Variants in TMEFF1 observed in about 807,000 individuals in gnomAD.
TMEFF1 encodes the protein tomoregulin-1.
In TMEFF1, 20 loss-of-function variants were observed where a neutral mutation model predicts 47.5. The ratio of observed to expected loss-of-function variants is 0.42; its 90% confidence interval spans 0.30 to 0.61. The LOEUF (loss-of-function observed/expected upper bound fraction) is 0.61, where lower values mean the gene tolerates loss of function less well. TMEFF1 is among the 20% of genes least tolerant of loss of function. TMEFF1 has a pLI of 0.19. For synonymous variants in TMEFF1, 162 were observed against 166.3 expected, an observed-to-expected ratio of 0.97 and a Z score of 0.20; for missense variants, 411 against 471.1, an observed-to-expected ratio of 0.87 and a Z score of 1.18.
At chr9:100,554,906 A>G (rs753820718) in intron 7 of TMEFF1, among the ~76,000 whole-genome samples, 1 of 152,074 alleles carries the variant, frequency 6.6e-6, no homozygotes, top group African/African-American at 2.4e-5. Flanking sequence ...TTCCAGATAC[A>G]TGTCTCCATT....
At chr9:100,487,600 C>T (rs1241859285) in intron 1 of TMEFF1, among the ~76,000 whole-genome samples, 1 of 152,098 alleles carries the variant, frequency 6.6e-6, no homozygotes, top group African/African-American at 2.4e-5. Context: ...AAAAATTATT[C>T]AATGTTTTAC....
chr9:100,475,061 C>G (rs1837195557), intron 1 of TMEFF1, among the ~76,000 whole-genome samples: 1 of 152,038 alleles, frequency 6.6e-6, no homozygotes. Context: ...CTTCTCTTGT[C>G]TTCTTTAAAC....
intron 5 of TMEFF1, among the ~76,000 whole-genome samples, chr9:100,542,690 TATTCTTTTTCTCATTATAAAATTCCACTA>T (rs1052574179): frequency 1.3e-5 from 2 of 152,210 alleles, no homozygotes; most frequent in African/African-American, 4.8e-5. Flanking sequence ...GCTTTTAAAA[TATTCTTTTTCTCATTATAAAATTCCACTA>T]TGATATTTCA....
At chr9:100,484,878 C>A (rs761177905) in intron 1 of TMEFF1, among the ~76,000 whole-genome samples, 34 of 148,448 alleles carry the variant, frequency 2.3e-4, no homozygotes, top group Non-Finnish European at 3.7e-4. Flanking sequence ...AGTTTCACTG[C>A]GTTGGCCAGG....
At chr9:100,509,729 G>A (rs1027901572) in intron 3 of TMEFF1, among the ~76,000 whole-genome samples, 4 of 149,432 alleles carry the variant, frequency 2.7e-5, no homozygotes, top group Admixed American at 6.7e-5. Context: ...AGCCAAGATC[G>A]CACCACTGTG....
At chr9:100,498,657 G>A in intron 1 of TMEFF1, 108 bp from the exon 2 acceptor site, 1 of 919,906 alleles carries the variant, frequency 1.1e-6, no homozygotes, top group East Asian at 2.6e-5. Flanking sequence ...GAATGGGGGG[G>A]CTCAATACAT....
chr9:100,538,452 C>G (rs1587844563), intron 5 of TMEFF1, among the ~76,000 whole-genome samples: 1 of 152,204 alleles, frequency 6.6e-6, no homozygotes, highest in South Asian at 2.1e-4. Context: ...ATGCTCAAAG[C>G]CCTGCAGTCG....
intron 1 of TMEFF1, among the ~76,000 whole-genome samples, chr9:100,496,592 A>T (rs1370209526): frequency 8.5e-5 from 13 of 152,198 alleles, no homozygotes; most frequent in Non-Finnish European, 1.6e-4. Flanking sequence ...ATTCCCCTAA[A>T]GTATTCTGTA....
rs1838763260 is a variant in TMEFF1 at position 100,547,761 on chromosome 9, A to T, written c.578A>T (p.Asp193Val). The T allele has an allele frequency of 5.0e-6, 8 of 1,590,718 alleles. No individual in the cohort carries two copies. Among genetic ancestry groups the T allele is most frequent in the Non-Finnish European group, 6.8e-6 (8 of 1,171,100 alleles). Residue 193 changes from aspartate (D) to valine (V), a missense_variant, in exon 6 of 10, where the codon GAT (aspartate) becomes GTT (valine). By Grantham distance (152) the Asp-to-Val change is radical. Coordinates refer to ENST00000374879, the MANE Select transcript of TMEFF1 (RefSeq NM_003692.5). ...AENVGCVCNIDCSGYSFNPVC... is the reference protein window; with the variant it reads ...AENVGCVCNIVCSGYSFNPVC... Reference sequence around the variant, plus strand: ...TCCAACAGGTGTGTATGTAATATAGATTGCAGTGGATACAGTTTTAATCCT... The same window carrying T: ...TCCAACAGGTGTGTATGTAATATAGTTTGCAGTGGATACAGTTTTAATCCT...
chr9:100,534,012 C>G lies in TMEFF1; in HGVS notation c.561-13732C>G, dbSNP rs140373796. ...GATTACAGGCGTGAGCCACCACTCCCGGCCTTTATCTATTCTTTTGAGCAA... is the reference window on the plus strand; with the variant it reads ...GATTACAGGCGTGAGCCACCACTCCGGGCCTTTATCTATTCTTTTGAGCAA... On this transcript the variant is annotated intron_variant, in intron 5 of 9. Coordinates refer to ENST00000374879, the MANE Select transcript of TMEFF1 (RefSeq NM_003692.5). 9.3e-3 allele frequency among the ~76,000 whole-genome samples: 1,416 copies of G among 152,250 alleles called. 16 individuals are homozygous for G. The highest frequency in any genetic ancestry group is 0.016 in the Non-Finnish European group (1,104 of 68,020).
intron 5 of TMEFF1, among the ~76,000 whole-genome samples, chr9:100,539,398 C>T (rs1349005595): frequency 2.6e-5 from 4 of 152,282 alleles, no homozygotes; most frequent in Non-Finnish European, 4.4e-5. Flanking sequence ...ATGAGTGTTA[C>T]GGTTCTTAAA....
intron 5 of TMEFF1, among the ~76,000 whole-genome samples, chr9:100,533,278 G>T (rs1782053971): frequency 6.6e-6 from 1 of 151,882 alleles, no homozygotes; most frequent in Non-Finnish European, 1.5e-5. Flanking sequence ...TATCTTTAAG[G>T]GACTTTTTAA....
intron 4 of TMEFF1, 97 bp from the exon 5 acceptor site, chr9:100,516,578 T>C (rs1838077919): frequency 6.9e-7 from 1 of 1,457,148 alleles, no homozygotes; most frequent in East Asian, 2.4e-5. Flanking sequence ...TCAGGTACAT[T>C]TTCCTCAGAA....
chr9:100,544,087 G>T (rs1031942802), intron 5 of TMEFF1, among the ~76,000 whole-genome samples: 6 of 147,138 alleles, frequency 4.1e-5, no homozygotes, highest in Non-Finnish European at 9.0e-5. Context: ...CCTTCATGCT[G>T]ATATATATAT....
intron 8 of TMEFF1, among the ~76,000 whole-genome samples, chr9:100,566,050 A>G (rs1209026803): frequency 6.6e-6 from 1 of 152,192 alleles, no homozygotes; most frequent in African/African-American, 2.4e-5. Context: ...TGCATTTGAC[A>G]CACTTGTTCA....
chr9:100,546,444 G>T (rs889400444), intron 5 of TMEFF1, among the ~76,000 whole-genome samples: 2 of 147,492 alleles, frequency 1.4e-5, no homozygotes, highest in Admixed American at 1.4e-4. Flanking sequence ...CCCCCACCAG[G>T]TTCCTCCCAC....
intron 8 of TMEFF1, among the ~76,000 whole-genome samples, chr9:100,566,736 A>C (rs1839133004): frequency 6.6e-6 from 1 of 150,984 alleles, no homozygotes; most frequent in Non-Finnish European, 1.5e-5. Context: ...ACAGGGTCTC[A>C]CTCTGTTGCC....
At chr9:100,539,773 C>T (rs1838592260) in intron 5 of TMEFF1, among the ~76,000 whole-genome samples, 1 of 152,162 alleles carries the variant, frequency 6.6e-6, no homozygotes, top group Non-Finnish European at 1.5e-5. Context: ...GCTTTTATTC[C>T]CTTATCTGAC....
rs540766052 is a variant in TMEFF1, at chr9:100,542,219, A to G, written c.561-5525A>G. Among the ~76,000 whole-genome samples, 9 of 151,914 alleles carry G rather than the reference A, an allele frequency of 5.9e-5. No homozygotes were observed. The East Asian group carries it at 1.7e-3, about 29-fold the overall frequency. On this transcript the variant is annotated intron_variant, in intron 5 of 9. Coordinates refer to ENST00000374879, the MANE Select transcript of TMEFF1 (RefSeq NM_003692.5). ...GCATATTCAGCTTATCACAATCTAA[A>G]TTTCCTTAATGTCACTGTTCTCCTT...
Sources: allele counts gnomAD v4.1 joint callset (sites outside exome capture counted in the v4.1 genomes callset), GRCh38; gene constraint gnomAD v4.1.1; transcripts MANE v1.5; gene names NCBI Gene and HGNC (gene_info 2026-07-23, HGNC 2026-07-21).